The following ANK3 variants were observed in gnomAD, a reference collection of about 807,000 sequenced individuals.
ANK3 encodes ankyrin-3.
A neutral mutation model predicts 370.9 loss-of-function variants in ANK3; 57 were observed. The observed-to-expected ratio is 0.15, with a 90% CI of 0.12 to 0.19. The LOEUF is 0.19. Among genes scored for constraint, ANK3 ranks in the 10% least tolerant of loss-of-function variants. The pLI is 1.00. For synonymous variants in ANK3, 1,929 were observed against 1,946.3 expected, an observed-to-expected ratio of 0.99 and a Z score of 0.23; for missense variants, 4,439 against 5,302.1, an observed-to-expected ratio of 0.84 and a Z score of 5.06.
At chr10:60,566,063 A>AT (rs906535319) in intron 2 of ANK3, among the ~76,000 whole-genome samples, 16 of 151,974 alleles carry the variant, frequency 1.1e-4, no homozygotes, top group Non-Finnish European at 1.5e-5. Flanking sequence ...AAATATTTCA[A>AT]TTTTTTTCTT....
At chr10:60,573,421 G>A (rs2077641649) in intron 2 of ANK3, among the ~76,000 whole-genome samples, 1 of 152,054 alleles carries the variant, frequency 6.6e-6, no homozygotes, top group Non-Finnish European at 1.5e-5. Flanking sequence ...GAAATACTAA[G>A]AGCAAAGCTG....
At chr10:60,250,785 C>T (rs78524114) in intron 7 of ANK3, among the ~76,000 whole-genome samples, 2 of 152,130 alleles carry the variant, frequency 1.3e-5, no homozygotes, top group African/African-American at 4.8e-5. Flanking sequence ...TTCTAAATGT[C>T]CAGAGTCCAT....
At chr10:60,387,735 T>C (rs781676963) in intron 1 of ANK3, among the ~76,000 whole-genome samples, 3 of 152,152 alleles carry the variant, frequency 2.0e-5, no homozygotes, top group Admixed American at 6.6e-5. Flanking sequence ...AGCACTTTGG[T>C]CCACAAAGCA....
chr10:60,306,023 C>A (rs1275067941), intron 1 of ANK3, among the ~76,000 whole-genome samples: 1 of 151,996 alleles, frequency 6.6e-6, no homozygotes, highest in Non-Finnish European at 1.5e-5. Context: ...GAAGAAATCA[C>A]ATAACCTCAG....
At chr10:60,382,589 C>T (rs565744938) in intron 1 of ANK3, among the ~76,000 whole-genome samples, 21 of 152,042 alleles carry the variant, frequency 1.4e-4, no homozygotes, top group Admixed American at 8.5e-4. Flanking sequence ...AAAACTCTGA[C>T]GTATATGTGA....
At chr10:60,413,503 C>T (rs372624200) in intron 2 of ANK3, among the ~76,000 whole-genome samples, 1 of 152,174 alleles carries the variant, frequency 6.6e-6, no homozygotes, top group East Asian at 1.9e-4. Context: ...ATGAAAACCT[C>T]TAAGACCTAT....
upstream of ANK3, among the ~76,000 whole-genome samples, chr10:60,390,184 C>T (rs983932327): frequency 1.2e-4 from 19 of 152,158 alleles, no homozygotes; most frequent in Admixed American, 9.8e-4. Context: ...ACAGGGAAAA[C>T]AATGCATGTA....
intron 1 of ANK3, among the ~76,000 whole-genome samples, chr10:60,285,895 A>G (rs986020580): frequency 6.6e-6 from 1 of 152,264 alleles, no homozygotes; most frequent in South Asian, 2.1e-4. Flanking sequence ...CAGGCATGCA[A>G]TCTTGGTGTA....
In ANK3 at chr10:60,080,552, T is replaced by C. The variant is rs1589699272; in HGVS notation, c.4417A>G (p.Thr1473Ala). ...LALRKRYSYLTEPGMIERSTG... is the reference protein window; with the variant it reads ...LALRKRYSYLAEPGMIERSTG... Reference sequence around the variant, plus strand: ...GGAAACTCACTCATTCCAGGCTCAGTCAAGTAGCTGTAGCGCTTACGTAAA... The same window carrying C: ...GGAAACTCACTCATTCCAGGCTCAGCCAAGTAGCTGTAGCGCTTACGTAAA... Residue 1473 changes from threonine (T) to alanine (A), a missense_variant, in exon 36 of 44, where the codon ACT becomes GCT. This residue lies in a region of ANK3 where 679 missense variants were observed against 791.0 expected (regional missense o/e 0.86). Transcript: ENST00000280772. The C allele has an allele frequency of 6.2e-7, 1 of 1,612,960 alleles. No homozygotes were observed.
chr10:60,294,959 A>C (rs1375340978), intron 1 of ANK3, among the ~76,000 whole-genome samples: 1 of 152,180 alleles, frequency 6.6e-6, no homozygotes, highest in Non-Finnish European at 1.5e-5. Flanking sequence ...ACAAAAAATG[A>C]AACAAGGAAG....
In ANK3 at chr10:60,213,401, A is replaced by C; in HGVS notation, c.996+11T>G. The stretch of plus-strand genomic sequence containing the variant: ...TACAGTCCAATGTCCAGAAACCTGA[A>C]AAGAAATTACCTTGGTTTTTGAAAG... On this transcript the variant is annotated intron_variant, in intron 9 of 43. Transcript: ENST00000280772. 6.2e-7 allele frequency: 1 copy of C among 1,603,404 alleles called. No homozygotes were observed. The highest frequency in any genetic ancestry group is 1.1e-5 in the South Asian group (1 of 90,314).
In ANK3 at chr10:60,389,690, T is replaced by C. The variant is rs933816054; in HGVS notation, c.-152A>G. The C allele has an allele frequency of 6.0e-5, 87 of 1,450,668 alleles. No homozygotes were observed. The highest frequency in any genetic ancestry group is 3.4e-4 in the Admixed American group (12 of 35,326). 89.9% of individuals were successfully genotyped at this position (1,450,668 alleles called of 1,614,324 possible). A position where few individuals can be genotyped will look rare whatever the true frequency, so the allele number is the denominator to read the frequency against. On this transcript the variant is annotated 5_prime_UTR_variant, in exon 1 of 44. Coordinates refer to ENST00000280772, the MANE Select transcript of ANK3 (RefSeq NM_020987.5). Reference sequence around the variant, plus strand: ...GAAGATATTCACAATGCAAAGATGCTGGAGAAGCTGAAGCTTTTAAAAACC... The same window carrying C: ...GAAGATATTCACAATGCAAAGATGCCGGAGAAGCTGAAGCTTTTAAAAACC...
intron 1 of ANK3, among the ~76,000 whole-genome samples, chr10:60,660,911 T>TACACACACACACACACAC (rs779739373): frequency 1.2e-3 from 176 of 148,240 alleles, no homozygotes; most frequent in African/African-American, 4.1e-3. Context: ...GAGTTTTAAA[T>TACACACACACACACACAC]ACACACTCAC....
At chr10:60,499,646 C>T (rs2075747435) in intron 2 of ANK3, among the ~76,000 whole-genome samples, 1 of 152,204 alleles carries the variant, frequency 6.6e-6, no homozygotes, top group Non-Finnish European at 1.5e-5. Flanking sequence ...CCATTCCATT[C>T]CTATTCCTAC....
chr10:60,480,476 AG>A (rs1330643289), intron 2 of ANK3, among the ~76,000 whole-genome samples: 1 of 152,168 alleles, frequency 6.6e-6, no homozygotes, highest in Non-Finnish European at 1.5e-5. Flanking sequence ...TGAAAGAAAA[AG>A]GGATGTGAAA....
chr10:60,230,687 A>C (rs1320865163), intron 8 of ANK3, among the ~76,000 whole-genome samples: 1 of 152,116 alleles, frequency 6.6e-6, no homozygotes, highest in Non-Finnish European at 1.5e-5. Flanking sequence ...TCAGGAGATC[A>C]AGACCATCCT....
intron 7 of ANK3, among the ~76,000 whole-genome samples, chr10:60,259,679 C>T (rs2097777948): frequency 6.6e-6 from 1 of 152,090 alleles, no homozygotes; most frequent in South Asian, 2.1e-4. Context: ...TTCTCTAATC[C>T]TCTTGTTTTT....
chr10:60,112,064 CTT>C (rs2092751911), intron 26 of ANK3, among the ~76,000 whole-genome samples: 3 of 152,216 alleles, frequency 2.0e-5, no homozygotes, highest in Admixed American at 1.3e-4. Context: ...TATTGTCTCT[CTT>C]GTCTTCAATA....
chr10:60,182,367 C>T (rs534714735), intron 17 of ANK3, among the ~76,000 whole-genome samples: 15 of 152,184 alleles, frequency 9.9e-5, no homozygotes, highest in Admixed American at 9.2e-4. Context: ...GAAACTAACC[C>T]TATTAGAGAA....
Sources: gnomAD v4.1 joint callset for allele counts (sites outside exome capture counted in the v4.1 genomes callset) on GRCh38, gnomAD v4.1.1 for gene constraint, gnomAD v4.1.1 regional missense constraint, MANE v1.5 for transcripts, NCBI Gene and HGNC (gene_info 2026-07-23, HGNC 2026-07-21) for gene names.